Variants in PCDHGA7 observed in about 807,000 individuals in gnomAD.
PCDHGA7 encodes the protein protocadherin gamma-A7.
Under a neutral mutation model 58.3 loss-of-function variants are expected in PCDHGA7, and 44 were observed. The observed-to-expected ratio is 0.75, with a 90% confidence interval of 0.59 to 0.97. The LOEUF (loss-of-function observed/expected upper bound fraction) is 0.97. Among genes scored for constraint, PCDHGA7 ranks in the 50% least tolerant of loss-of-function variants. The pLI is 0.00. For synonymous variants in PCDHGA7, 516 were observed against 504.2 expected, an observed-to-expected ratio of 1.02 and a Z score of -0.31; for missense variants, 1,266 against 1,188.7, an observed-to-expected ratio of 1.06 and a Z score of -0.96.
At position 141,385,041 on chromosome 5, in the gene PCDHGA7, C is replaced by T; in HGVS notation, c.2142C>T (p.Leu714=). 1 of 1,614,174 alleles carries T rather than the reference C, an allele frequency of 6.2e-7. No individual in the cohort carries two copies. Among genetic ancestry groups the T allele is most frequent in the Non-Finnish European group, 8.5e-7 (1 of 1,180,050 alleles). The change falls in exon 1 of 4, where the codon CTC becomes CTT. Residue 714 remains leucine, a synonymous_variant. Transcript: ENST00000518325. The part of the protein sequence containing the change: ...FLAFVLVLLA[L]RLRRWHKSRL... ...CCTTCGTCCTCGTACTGCTGGCGCT[C>T]AGGCTGCGGCGCTGGCACAAGTCAC...
At chr5:141,464,282 A>AG (rs1318553407) in intron 1 of PCDHGA7, among the ~76,000 whole-genome samples, 1 of 151,396 alleles carries the variant, frequency 6.6e-6, no homozygotes, top group Non-Finnish European at 1.5e-5. Flanking sequence ...AAAAAAGCAA[A>AG]AAAAAAAACT....
intron 1 of PCDHGA7, chr5:141,428,501 C>A (rs970043746): frequency 8.4e-5 from 24 of 285,544 alleles, no homozygotes; most frequent in African/African-American, 3.9e-4. Context: ...TATGTTCCCT[C>A]GGATTCTAGA....
At chr5:141,389,195 C>T (rs764168847) in intron 1 of PCDHGA7, 2 of 1,614,052 alleles carry the variant, frequency 1.2e-6, no homozygotes, top group Non-Finnish European at 1.7e-6. Flanking sequence ...CCAGCATCAC[C>T]CTGCACATTG....
At chr5:141,417,001 A>G (rs1590037654) in intron 1 of PCDHGA7, 1 of 150,924 alleles carries the variant, frequency 6.6e-6, no homozygotes, top group African/African-American at 2.5e-5. Context: ...TTCATCTCAA[A>G]TAATTCTATT....
At chr5:141,461,617 C>T (rs1297064745) in intron 1 of PCDHGA7, among the ~76,000 whole-genome samples, 1 of 152,090 alleles carries the variant, frequency 6.6e-6, no homozygotes, top group African/African-American at 2.4e-5. Flanking sequence ...AAAGTATTTT[C>T]TAATACACCT....
chr5:141,426,646 T>C (rs764903298), intron 1 of PCDHGA7: 1 of 416,448 alleles, frequency 2.4e-6, no homozygotes, highest in South Asian at 1.7e-5. Flanking sequence ...ATAAATGTGA[T>C]GATAGAAGAT....
chr5:141,478,101 T>G, intron 1 of PCDHGA7: 1 of 1,614,018 alleles, frequency 6.2e-7, no homozygotes, highest in Middle Eastern at 1.6e-4. Flanking sequence ...ACTGCTACCC[T>G]CACTGTGTCA....
chr5:141,399,026 A>C (rs1448827116), intron 1 of PCDHGA7: 1 of 1,613,886 alleles, frequency 6.2e-7, no homozygotes, highest in East Asian at 2.2e-5. Flanking sequence ...ATTACCACTC[A>C]AAAGAAACTG....
Position 141,384,164 on chromosome 5 carries a change from T to C in PCDHGA7, c.1265T>C (p.Leu422Pro). 1 of 1,613,724 alleles carries C rather than the reference T, an allele frequency of 6.2e-7. No homozygotes were observed. The highest frequency in any genetic ancestry group is 8.5e-7 in the Non-Finnish European group (1 of 1,179,812). Residue 422 changes from leucine to proline, a missense_variant, in exon 1 of 4, where the codon CTG (leucine) becomes CCG (proline). By Grantham distance (98) the Leu-to-Pro change is moderately conservative. Transcript: ENST00000518325. ...ACACTCTCTTTGTATAACATCACAC[T>C]GAAAGCCACAGATGGTGGAACTCCT... ...RETLSLYNITLKATDGGTPPL... is the reference protein window; with the variant it reads ...RETLSLYNITPKATDGGTPPL...
At chr5:141,423,707 G>A in intron 1 of PCDHGA7, 1 of 1,164,238 alleles carries the variant, frequency 8.6e-7, no homozygotes, top group Non-Finnish European at 1.1e-6. Flanking sequence ...CTTGGCACAA[G>A]TCTTTTAAGG....
intron 1 of PCDHGA7, chr5:141,422,964 G>A: frequency 1.2e-6 from 2 of 1,614,190 alleles, no homozygotes; most frequent in Non-Finnish European, 1.7e-6. Flanking sequence ...TGGAGCTGGC[G>A]CCCCGCTCTG....
At position 141,491,381 on chromosome 5, in the gene PCDHGA7, C is replaced by CT. The variant is rs1554177905; in HGVS notation, c.2425-3426_2425-3425insT. The CT allele has an allele frequency of 2.8e-5, 45 of 1,614,068 alleles. No individual in the cohort carries two copies. Among genetic ancestry groups the CT allele is most frequent in the Non-Finnish European group, 3.5e-5 (41 of 1,179,950 alleles). On this transcript the variant is annotated intron_variant, in intron 1 of 3. Coordinates refer to ENST00000518325, the MANE Select transcript of PCDHGA7 (RefSeq NM_018920.4). This position sits in a 1 kb window ranked among gnomAD's most constrained non-coding sequence, Gnocchi z 6.9. ...CTAGTCACCTTCACCTTTCTGTCAG[C>CT]GAAGTGCCTTCAGGGAAACGCAGAC...
At chr5:141,421,322 T>A (rs774885270) in intron 1 of PCDHGA7, 1 of 1,613,864 alleles carries the variant, frequency 6.2e-7, no homozygotes, top group Non-Finnish European at 8.5e-7. Context: ...GCCAGGCAGA[T>A]CCGATATTCG....
At chr5:141,465,856 C>T (rs1442431032) in intron 1 of PCDHGA7, among the ~76,000 whole-genome samples, 1 of 152,184 alleles carries the variant, frequency 6.6e-6, no homozygotes, top group East Asian at 1.9e-4. Context: ...GGCCCAGTGG[C>T]TCATGCCTGT....
At chr5:141,478,526 G>A (rs1402123535) in intron 1 of PCDHGA7, 1 of 1,609,906 alleles carries the variant, frequency 6.2e-7, no homozygotes, top group Admixed American at 1.7e-5. Context: ...GTTGGGTGCA[G>A]AGAGCGCCCC....
At chr5:141,480,033 C>T (rs370321166) in intron 1 of PCDHGA7, among the ~76,000 whole-genome samples, 1 of 152,106 alleles carries the variant, frequency 6.6e-6, no homozygotes, top group African/African-American at 2.4e-5. Flanking sequence ...AAGCCTCTTC[C>T]TCATATGCAA....
intron 2 of PCDHGA7, among the ~76,000 whole-genome samples, chr5:141,500,705 T>A (rs1169100560): frequency 6.6e-6 from 1 of 152,220 alleles, no homozygotes; most frequent in Non-Finnish European, 1.5e-5. Context: ...TTGCAGTGTA[T>A]CATGAGAATT....
Position 141,486,601 on chromosome 5 carries a change from C to A in PCDHGA7, c.2425-8206C>A, listed in dbSNP as rs770685748. On this transcript the variant is annotated intron_variant, in intron 1 of 3. Transcript: ENST00000518325. The surrounding 1 kb of genome is among the most constrained non-coding windows in gnomAD (Gnocchi z 5.0). ...ATCGCCCAGGGGACCTGCTTTGCTCCCTTGCAGCCTCTGACCCAGACTCTG... is the reference window on the plus strand; with the variant it reads ...ATCGCCCAGGGGACCTGCTTTGCTCACTTGCAGCCTCTGACCCAGACTCTG... The A allele has an allele frequency of 1.9e-6, 3 of 1,613,558 alleles. No homozygotes were observed. The highest frequency in any genetic ancestry group is 3.3e-5 in the Admixed American group (2 of 60,026).
Position 141,388,684 on chromosome 5 carries a change from C to T in PCDHGA7, c.2424+3361C>T, listed in dbSNP as rs1458700152. 1.2e-5 allele frequency: 19 copies of T among 1,613,818 alleles called. No homozygotes were observed. Among genetic ancestry groups the T allele is most frequent in the African/African-American group, 2.7e-5 (2 of 74,912 alleles). On this transcript the variant is annotated intron_variant, in intron 1 of 3. Coordinates refer to ENST00000518325, the MANE Select transcript of PCDHGA7 (RefSeq NM_018920.4). ...ACCACGGTGCTACAGGTGACTGCCA[C>T]GGACCAGGATGAGGGTGTCAATGCC...
Sources: allele counts gnomAD v4.1 joint callset (sites outside exome capture counted in the v4.1 genomes callset), GRCh38; gene constraint gnomAD v4.1.1; non-coding constraint Gnocchi (gnomAD v3.1); transcripts MANE v1.5; gene names NCBI Gene and HGNC (gene_info 2026-07-23, HGNC 2026-07-21).